Variants in ZNF10 observed in about 807,000 individuals in gnomAD.
The protein encoded by ZNF10 is zinc finger protein 10, also known as zinc finger protein 10 (KOX 1).
Under a neutral mutation model 12.2 loss-of-function variants are expected in ZNF10, and 8 were observed. That is an observed-to-expected ratio of 0.66 (90% confidence interval 0.39 to 1.18). ZNF10 has a LOEUF of 1.18. Ranked by LOEUF, ZNF10 falls within the 50% of genes most tolerant of loss-of-function variation. The pLI is 0.01. For missense variants in ZNF10, 603 were observed against 678.9 expected, an observed-to-expected ratio of 0.89 and a Z score of 1.24; for synonymous variants, 229 against 228.2, an observed-to-expected ratio of 1.00 and a Z score of -0.03.
At chr12:133,133,144 G>T (rs1014280004) in intron 1 of ZNF10, among the ~76,000 whole-genome samples, 10 of 152,092 alleles carry the variant, frequency 6.6e-5, no homozygotes, top group Admixed American at 4.6e-4. Flanking sequence ...ACAGATGCAG[G>T]ATCTTTGCCT....
chr12:133,155,823 A>G lies in ZNF10; in HGVS notation c.577A>G (p.Lys193Glu), dbSNP rs1366368974. Residue 193 changes from lysine to glutamate, a missense_variant, in exon 5 of 5, where the codon AAA becomes GAA. Around this residue, in one of 3 missense-constraint regions of ZNF10, gnomAD observed 393 missense variants for 399.7 expected, o/e 0.98. Coordinates refer to ENST00000248211, the MANE Select transcript of ZNF10 (RefSeq NM_015394.5). ...EYFHKRDSHT[K>E]SLKHDLVLNG... ...TTTCCATAAACGTGACTCACATACT[A>G]AAAGTTTAAAACATGATTTAGTTCT... 5 of 1,613,674 alleles carry G rather than the reference A, an allele frequency of 3.1e-6. No homozygotes were observed. The highest frequency in any genetic ancestry group is 1.6e-4 in the Middle Eastern group (1 of 6,082).
At chr12:133,134,934 A>G (rs1021807821) in intron 1 of ZNF10, among the ~76,000 whole-genome samples, 5 of 152,002 alleles carry the variant, frequency 3.3e-5, no homozygotes, top group African/African-American at 1.2e-4. Context: ...ACCTTTTCTC[A>G]TCGTTGTTCC....
Position 133,156,369 on chromosome 12 carries a change from A to T in ZNF10, c.1123A>T (p.Lys375Ter). The T allele has an allele frequency of 3.7e-6, 6 of 1,614,110 alleles. No individual in the cohort carries two copies. The highest frequency in any genetic ancestry group is 5.1e-6 in the Non-Finnish European group (6 of 1,180,010). The change falls in exon 5 of 5, where the codon AAA becomes TAA. Residue 375 changes from lysine (K) to a stop codon, truncating the protein, a stop_gained. Transcript: ENST00000248211. LOFTEE classifies it low-confidence loss of function (END_TRUNC). ...IRHQRTHTGE[K>*]PYECPECGKS... ...ACACCAGAGGACACATACTGGAGAG[A>T]AACCCTATGAATGTCCTGAATGTGG... is the stretch of plus-strand genomic sequence containing the variant.
At chr12:133,143,488 A>G (rs1050096757) in intron 1 of ZNF10, 3 of 152,200 alleles carry the variant, frequency 2.0e-5, no homozygotes, top group Non-Finnish European at 2.9e-5. Context: ...AGAAAGCTGA[A>G]AGAATTTATC....
chr12:133,145,593 G>A (rs1424045668), intron 2 of ZNF10, among the ~76,000 whole-genome samples: 1 of 152,122 alleles, frequency 6.6e-6, no homozygotes, highest in Admixed American at 6.5e-5. Context: ...GCAGATCACC[G>A]AGGTCAGGAG....
chr12:133,142,803 G>C (rs1043753583), intron 1 of ZNF10, among the ~76,000 whole-genome samples: 4 of 152,192 alleles, frequency 2.6e-5, no homozygotes, highest in Non-Finnish European at 5.9e-5. Flanking sequence ...TCCTCAAAAA[G>C]CTAAACATAA....
In ZNF10 at chr12:133,159,042, C is replaced by G. The variant is rs1301616825; in HGVS notation, c.*2074C>G. 1 of 152,206 alleles carries G rather than the reference C, an allele frequency of 6.6e-6. No individual in the cohort carries two copies. The highest frequency in any genetic ancestry group is 2.4e-5 in the African/African-American group (1 of 41,450). 9.4% of individuals were successfully genotyped at this position (152,206 alleles called of 1,614,324 possible). On this transcript the variant is annotated 3_prime_UTR_variant, in exon 5 of 5. Coordinates refer to ENST00000248211, the MANE Select transcript of ZNF10 (RefSeq NM_015394.5). ...TCTTAACATTGCTAATAACCTGTGG[C>G]TCAATTTCCTCAACTGTATAATGAG...
chr12:133,158,914 GT>G lies in ZNF10; in HGVS notation c.*1949del, dbSNP rs1214319632. ...CTCAGAACTAGGTCCTGGGTTTCAT[GT>G]TTCCTGCTGCTCTTCTCACTGTGTA... On this transcript the variant is annotated 3_prime_UTR_variant, in exon 5 of 5. Transcript: ENST00000248211. 1.3e-5 allele frequency: 2 copies of G among 152,350 alleles called. No individual in the cohort carries two copies. Among genetic ancestry groups the G allele is most frequent in the Non-Finnish European group, 2.9e-5 (2 of 68,058 alleles). 9.4% of individuals were successfully genotyped at this position (152,350 alleles called of 1,614,324 possible). A position where few individuals can be genotyped will look rare whatever the true frequency, so the allele number is the denominator to read the frequency against.
rs1593847857 is a variant in ZNF10, at chr12:133,155,359, T to G, written c.257-144T>G. 10 of 918,862 alleles carry G rather than the reference T, an allele frequency of 1.1e-5. No homozygotes were observed. The East Asian group carries it at 2.7e-4, about 25-fold the overall frequency. 56.9% of individuals were successfully genotyped at this position (918,862 alleles called of 1,614,324 possible). ...GCATTTATTGTTTACCGCTCCATTC[T>G]TCCTTTTCTCATTCTCTATCAAAGT... On this transcript the variant is annotated intron_variant, in intron 4 of 4. Coordinates refer to ENST00000248211, the MANE Select transcript of ZNF10 (RefSeq NM_015394.5).
In ZNF10 at chr12:133,156,079, C is replaced by G. The variant is rs752454781; in HGVS notation, c.833C>G (p.Ser278Cys). Residue 278 changes from serine (S) to cysteine (C), a missense_variant, in exon 5 of 5, where the codon TCT becomes TGT. Ser to Cys is a moderately radical substitution (Grantham distance 112). Transcript: ENST00000248211. ...KECGKFFSWRSNLTRHQLIHT... is the reference protein window; with the variant it reads ...KECGKFFSWRCNLTRHQLIHT... ...TGTGGAAAATTCTTCAGCTGGCGCT[C>G]TAATCTTACTAGGCATCAGCTTATT... The G allele has an allele frequency of 6.2e-7, 1 of 1,613,386 alleles. No individual in the cohort carries two copies. Among genetic ancestry groups the G allele is most frequent in the South Asian group, 1.1e-5 (1 of 91,066 alleles).
intron 1 of ZNF10, 195 bp from the exon 2 acceptor site, chr12:133,144,239 C>G: frequency 2.9e-6 from 1 of 340,916 alleles, no homozygotes; most frequent in African/African-American, 2.1e-5. Flanking sequence ...GGTAAAAATG[C>G]AATTTATGTA....
At chr12:133,145,712 G>A (rs1358980181) in intron 2 of ZNF10, among the ~76,000 whole-genome samples, 1 of 152,044 alleles carries the variant, frequency 6.6e-6, no homozygotes. Context: ...GGCTGAGGCA[G>A]GAAAATTGCT....
At chr12:133,148,160 G>A (rs570894612) in intron 2 of ZNF10, among the ~76,000 whole-genome samples, 22 of 152,044 alleles carry the variant, frequency 1.4e-4, no homozygotes, top group East Asian at 5.8e-4. Flanking sequence ...TCATTCTCTC[G>A]TCTAGGCTGG....
At chr12:133,150,711 G>A (rs1956002145) in intron 2 of ZNF10, among the ~76,000 whole-genome samples, 1 of 152,116 alleles carries the variant, frequency 6.6e-6, no homozygotes, top group Non-Finnish European at 1.5e-5. Flanking sequence ...TAGTATAAAA[G>A]TGGGTTAACT....
Position 133,157,077 on chromosome 12 carries a change from A to G in ZNF10, c.*109A>G, listed in dbSNP as rs944692979. The G allele has an allele frequency of 3.9e-6, 4 of 1,037,834 alleles. No individual in the cohort carries two copies. In the African/African-American group the frequency reaches 6.6e-5, roughly 17 times the overall value. 64.3% of individuals were successfully genotyped at this position (1,037,834 alleles called of 1,614,324 possible). A position where few individuals can be genotyped will look rare whatever the true frequency, so the allele number is the denominator to read the frequency against. On this transcript the variant is annotated 3_prime_UTR_variant, in exon 5 of 5. Coordinates refer to ENST00000248211, the MANE Select transcript of ZNF10 (RefSeq NM_015394.5). The stretch of plus-strand genomic sequence containing the variant: ...ATGTGGAAATGCTTTCAGTCTTGTT[A>G]CTATCCTATTGCACATTAGAGAATT...
At chr12:133,139,792 G>C (rs1280968046) in intron 1 of ZNF10, among the ~76,000 whole-genome samples, 5 of 152,110 alleles carry the variant, frequency 3.3e-5, no homozygotes, top group African/African-American at 1.2e-4. Flanking sequence ...TCTGTCATTT[G>C]AGCACTTTGA....
intron 2 of ZNF10, among the ~76,000 whole-genome samples, chr12:133,145,537 C>T (rs982399003): frequency 7.9e-5 from 12 of 152,062 alleles, no homozygotes; most frequent in African/African-American, 2.7e-4. Context: ...AGGCCAGGTG[C>T]GGTGGCTCAT....
intron 2 of ZNF10, among the ~76,000 whole-genome samples, chr12:133,148,216 G>A (rs1431626051): frequency 2.6e-5 from 4 of 152,078 alleles, no homozygotes; most frequent in African/African-American, 4.8e-5. Flanking sequence ...TGCCTCCAGC[G>A]TCGAAGCGAT....
intron 1 of ZNF10, chr12:133,143,733 GCATTTCCTTAT>G (rs1955959427): frequency 6.6e-6 from 1 of 152,356 alleles, no homozygotes; most frequent in East Asian, 1.9e-4. Flanking sequence ...GCTTCAAACA[GCATTTCCTTAT>G]CAGCTCTGTT....
Sources: allele counts gnomAD v4.1 joint callset (sites outside exome capture counted in the v4.1 genomes callset), GRCh38; gene constraint gnomAD v4.1.1; regional missense constraint gnomAD v4.1.1; transcripts MANE v1.5; gene names NCBI Gene and HGNC (gene_info 2026-07-23, HGNC 2026-07-21).